The following HACD1 variants were observed in gnomAD, a reference collection of about 807,000 sequenced individuals.
The protein encoded by HACD1 is very-long-chain (3R)-3-hydroxyacyl-CoA dehydratase 1.
Under a neutral mutation model 32.0 loss-of-function variants are expected in HACD1, and 41 were observed. That is an observed-to-expected ratio of 1.28 (90% CI 1.00 to 1.66). The LOEUF (loss-of-function observed/expected upper bound fraction) is 1.66, where lower values mean the gene tolerates loss of function less well. Among genes scored for constraint, HACD1 ranks in the 40% most tolerant of loss-of-function variants. HACD1 has a pLI of 0.00. For synonymous variants in HACD1, 142 were observed against 139.0 expected, an observed-to-expected ratio of 1.02 and a Z score of -0.15; for missense variants, 396 against 380.1, an observed-to-expected ratio of 1.04 and a Z score of -0.35.
At chr10:17,612,798 A>T (rs1246625216) in intron 1 of HACD1, among the ~76,000 whole-genome samples, 3 of 151,728 alleles carry the variant, frequency 2.0e-5, no homozygotes, top group African/African-American at 4.8e-5. Flanking sequence ...GGCGGGCGCC[A>T]GTAGTCCCAG....
intron 1 of HACD1, 45 bp from the exon 2 acceptor site, chr10:17,604,092 C>T: frequency 3.9e-6 from 5 of 1,295,942 alleles, no homozygotes; most frequent in Non-Finnish European, 4.3e-6. Flanking sequence ...AACTTAATAC[C>T]ACTGATTTAT....
At chr10:17,603,869 C>T (rs782376376) in intron 2 of HACD1, 61 bp downstream of exon 2, 3 of 1,502,026 alleles carry the variant, frequency 2.0e-6, no homozygotes, top group East Asian at 4.5e-5. Flanking sequence ...TGATTTTGCA[C>T]AACAAAAAAT....
chr10:17,595,498 T>A (rs1172957847), intron 5 of HACD1, among the ~76,000 whole-genome samples: 1 of 152,128 alleles, frequency 6.6e-6, no homozygotes, highest in Non-Finnish European at 1.5e-5. Context: ...AATTCCCACA[T>A]TAAAAGAAGA....
intron 3 of HACD1, 29 bp downstream of exon 3, chr10:17,603,697 A>G: frequency 1.2e-6 from 2 of 1,603,816 alleles, no homozygotes; most frequent in Non-Finnish European, 1.7e-6. Context: ...AATTTATAAT[A>G]AAAGTATAAA....
chr10:17,604,145 T>A, intron 1 of HACD1, 98 bp from the exon 2 acceptor site: 1 of 872,976 alleles, frequency 1.1e-6, no homozygotes, highest in Non-Finnish European at 1.8e-6. Context: ...AGTGAAAAGG[T>A]AAAAGCAACC....
At chr10:17,611,578 A>G (rs1231123947) in intron 1 of HACD1, among the ~76,000 whole-genome samples, 2 of 152,242 alleles carry the variant, frequency 1.3e-5, no homozygotes, top group Admixed American at 6.5e-5. Context: ...AGGACAATGC[A>G]TTTATATATA....
intron 1 of HACD1, among the ~76,000 whole-genome samples, chr10:17,605,362 TA>T (rs1195319764): frequency 1.3e-5 from 2 of 151,650 alleles, no homozygotes; most frequent in African/African-American, 4.8e-5. Context: ...CTGTCTCTAC[TA>T]AAAATACGAA....
intron 1 of HACD1, among the ~76,000 whole-genome samples, chr10:17,610,662 A>C (rs1834220615): frequency 6.6e-6 from 1 of 152,152 alleles, no homozygotes; most frequent in Admixed American, 6.5e-5. Flanking sequence ...ATTTTAAATA[A>C]ACCACTAGGA....
intron 6 of HACD1, among the ~76,000 whole-genome samples, chr10:17,592,378 G>C (rs1273388985): frequency 6.6e-6 from 1 of 152,056 alleles, no homozygotes; most frequent in Non-Finnish European, 1.5e-5. Context: ...TACTCAAAAA[G>C]TACTTTTAAT....
At chr10:17,604,345 T>C (rs1246382593) in intron 1 of HACD1, among the ~76,000 whole-genome samples, 1 of 151,374 alleles carries the variant, frequency 6.6e-6, no homozygotes, top group African/African-American at 2.4e-5. Context: ...ATTAGCCGGG[T>C]GTGGTGGCGG....
intron 4 of HACD1, among the ~76,000 whole-genome samples, chr10:17,600,022 G>A (rs782668071): frequency 1.3e-5 from 2 of 152,124 alleles, no homozygotes; most frequent in Non-Finnish European, 2.9e-5. Flanking sequence ...CCTAATACCT[G>A]GGCACCATAT....
At chr10:17,604,367 C>T (rs1834115168) in intron 1 of HACD1, among the ~76,000 whole-genome samples, 1 of 151,702 alleles carries the variant, frequency 6.6e-6, no homozygotes, top group Admixed American at 6.6e-5. Flanking sequence ...CGCCTGAGTC[C>T]CAGCTACTCA....
intron 1 of HACD1, among the ~76,000 whole-genome samples, chr10:17,606,061 G>C (rs1446289661): frequency 6.6e-6 from 1 of 151,914 alleles, no homozygotes; most frequent in Non-Finnish European, 1.5e-5. Flanking sequence ...TGTGGTTCCA[G>C]CTACTTGGAA....
At chr10:17,606,047 T>A (rs191245520) in intron 1 of HACD1, among the ~76,000 whole-genome samples, 2 of 151,586 alleles carry the variant, frequency 1.3e-5, no homozygotes, top group African/African-American at 4.8e-5. Context: ...TGGCGGCACA[T>A]GCCTGTGGTT....
chr10:17,600,046 C>T (rs1055601298), intron 4 of HACD1, among the ~76,000 whole-genome samples: 1 of 152,196 alleles, frequency 6.6e-6, no homozygotes, highest in African/African-American at 2.4e-5. Context: ...AGGTTCTTTG[C>T]AATCCTTGCT....
At chr10:17,609,010 G>A (rs1219275649) in intron 1 of HACD1, among the ~76,000 whole-genome samples, 1 of 151,784 alleles carries the variant, frequency 6.6e-6, no homozygotes, top group Non-Finnish European at 1.5e-5. Flanking sequence ...ACTGTTAAGA[G>A]AATAAAAAAT....
intron 5 of HACD1, 67 bp from the exon 6 acceptor site, chr10:17,594,450 T>A: frequency 8.3e-7 from 1 of 1,199,850 alleles, no homozygotes; most frequent in Non-Finnish European, 1.1e-6. Flanking sequence ...ATTGCAGGTC[T>A]ATTGCTACTA....
chr10:17,600,885 A>G (rs1834060144), intron 4 of HACD1, among the ~76,000 whole-genome samples: 1 of 152,208 alleles, frequency 6.6e-6, no homozygotes, highest in Non-Finnish European at 1.5e-5. Flanking sequence ...AGGCTCCACC[A>G]GGCGAGAACC....
intron 1 of HACD1, among the ~76,000 whole-genome samples, chr10:17,610,632 C>CAAA (rs67149491): frequency 3.9e-5 from 5 of 128,336 alleles, no homozygotes; most frequent in African/African-American, 8.6e-5. Context: ...GACTCTGTCT[C>CAAA]AAAAAAAAAA....
Sources: allele counts gnomAD v4.1 joint callset (sites outside exome capture counted in the v4.1 genomes callset), GRCh38; gene constraint gnomAD v4.1.1; transcripts MANE v1.5; gene names NCBI Gene and HGNC (gene_info 2026-07-23, HGNC 2026-07-21).